TENM3: variants seen among roughly 807,000 people sequenced by gnomAD.
TENM3 encodes teneurin-3.
Under a neutral mutation model 255.1 loss-of-function variants are expected in TENM3, and 63 were observed. The ratio of observed to expected loss-of-function variants is 0.25; its 90% CI spans 0.20 to 0.30. TENM3 has a LOEUF of 0.30. TENM3 is among the 10% of genes least tolerant of loss of function. The pLI, the probability that TENM3 is intolerant of heterozygous loss-of-function variation, is 1.00. For synonymous variants in TENM3, 1,306 were observed against 1,322.3 expected (o/e 0.99, Z 0.27); for missense variants, 2,929 against 3,461.1 (o/e 0.85, Z 3.86).
the TENM3 span, among the ~76,000 whole-genome samples, chr4:181,895,553 T>C: frequency 1.4e-5 from 2 of 140,398 alleles, no homozygotes; most frequent in Non-Finnish European, 3.1e-5. Flanking sequence ...TTTTTTTTTT[T>C]TTTTTTTTTG....
chr4:181,482,945 C>A, the TENM3 span, among the ~76,000 whole-genome samples: 9 of 152,198 alleles, frequency 5.9e-5, no homozygotes, highest in East Asian at 1.9e-4. Flanking sequence ...GAACATTCCA[C>A]CTTTTGTGCC....
chr4:181,951,865 C>A, the TENM3 span, among the ~76,000 whole-genome samples: 2 of 152,106 alleles, frequency 1.3e-5, no homozygotes, highest in East Asian at 3.9e-4. Flanking sequence ...GAAATGTAAT[C>A]GAAAGCTGTA....
At chr4:182,782,956 C>A (rs913844484) in intron 24 of TENM3, among the ~76,000 whole-genome samples, 21 of 148,380 alleles carry the variant, frequency 1.4e-4, no homozygotes, top group African/African-American at 4.9e-4. Flanking sequence ...TGTCTCTGCA[C>A]GTGAGATGGA....
intron 1 of TENM3, among the ~76,000 whole-genome samples, chr4:182,248,586 G>A (rs1221513741): frequency 3.3e-5 from 5 of 152,184 alleles, no homozygotes; most frequent in Non-Finnish European, 7.3e-5. Context: ...ATAAGCTTGC[G>A]TATATGAAGC....
chr4:181,940,460 C>T, the TENM3 span, among the ~76,000 whole-genome samples: 14 of 152,042 alleles, frequency 9.2e-5, no homozygotes, highest in African/African-American at 3.4e-4. Context: ...AAGTTCCAGT[C>T]CGGTGCAGTA....
intron 1 of TENM3, among the ~76,000 whole-genome samples, chr4:182,237,718 C>G (rs1319355376): frequency 6.6e-6 from 1 of 152,166 alleles, no homozygotes; most frequent in Non-Finnish European, 1.5e-5. Context: ...TGAGGCCATA[C>G]CTGGCAATTA....
chr4:182,210,446 C>A (rs1444387402), intron 1 of TENM3, among the ~76,000 whole-genome samples: 1 of 151,890 alleles, frequency 6.6e-6, no homozygotes, highest in African/African-American at 2.4e-5. Context: ...TATCTCAGTC[C>A]TTCAAATATT....
Position 182,792,928 on chromosome 4 carries a change from C to T in TENM3, c.6256C>T (p.Arg2086Cys), listed in dbSNP as rs778320384. The T allele has an allele frequency of 1.4e-5, 23 of 1,613,530 alleles. No homozygotes were observed. Among genetic ancestry groups the T allele is most frequent in the African/African-American group, 9.4e-5 (7 of 74,866 alleles). ...TYTKHFDAHG[R>C]IKEIQYEIFR... ...TACGAAGCACTTTGATGCTCATGGCCGTATCAAGGAGATTCAATATGAGAT... is the reference window on the plus strand; with the variant it reads ...TACGAAGCACTTTGATGCTCATGGCTGTATCAAGGAGATTCAATATGAGAT... Residue 2086 changes from arginine (R) to cysteine (C), a missense_variant, in exon 26 of 28, where the codon CGT (arginine) becomes TGT (cysteine). Arg to Cys is a radical substitution (Grantham distance 180). Transcript: ENST00000511685. The surrounding 1 kb of genome is among the most constrained non-coding windows in gnomAD (Gnocchi z 6.3).
chr4:182,258,352 T>C (rs1389220960), intron 1 of TENM3, among the ~76,000 whole-genome samples: 1 of 152,202 alleles, frequency 6.6e-6, no homozygotes, highest in East Asian at 1.9e-4. Flanking sequence ...ATTAGACAAT[T>C]AATAACTTAT....
the TENM3 span, among the ~76,000 whole-genome samples, chr4:181,712,875 A>T: frequency 1.3e-5 from 2 of 152,196 alleles, no homozygotes; most frequent in Non-Finnish European, 2.9e-5. Context: ...TTGTTTAAAA[A>T]GAGGACTTCT....
chr4:181,637,481 G>A, the TENM3 span, among the ~76,000 whole-genome samples: 3,390 of 152,226 alleles, frequency 0.022, 63 homozygotes, highest in Admixed American at 0.059. Flanking sequence ...GGCAAAACTC[G>A]TCAAATGTTC....
At chr4:182,426,413 C>T (rs1771232205) in intron 3 of TENM3, among the ~76,000 whole-genome samples, 1 of 152,136 alleles carries the variant, frequency 6.6e-6, no homozygotes, top group Admixed American at 6.5e-5. Context: ...ATTAAGATAG[C>T]TTCTAAAGAC....
At chr4:182,030,700 C>G in the TENM3 span, among the ~76,000 whole-genome samples, 1 of 151,662 alleles carries the variant, frequency 6.6e-6, no homozygotes, top group Non-Finnish European at 1.5e-5. Flanking sequence ...TTCCCACTGA[C>G]AGTGTAAAAG....
chr4:182,280,928 G>A (rs901565613), intron 1 of TENM3, among the ~76,000 whole-genome samples: 1 of 152,230 alleles, frequency 6.6e-6, no homozygotes, highest in Non-Finnish European at 1.5e-5. Flanking sequence ...AGCAGAGTTT[G>A]TAAACCACTA....
chr4:182,255,103 G>A (rs1404935106), intron 1 of TENM3, among the ~76,000 whole-genome samples: 1 of 152,118 alleles, frequency 6.6e-6, no homozygotes, highest in Non-Finnish European at 1.5e-5. Flanking sequence ...AAATTTTCAG[G>A]AGTTGTATAT....
At chr4:182,256,259 T>A (rs1000240534) in intron 1 of TENM3, among the ~76,000 whole-genome samples, 1 of 152,346 alleles carries the variant, frequency 6.6e-6, no homozygotes, top group Admixed American at 6.5e-5. Context: ...AGATGAAATT[T>A]GAATCGATTA....
chr4:181,759,637 A>T, the TENM3 span, among the ~76,000 whole-genome samples: 1 of 152,102 alleles, frequency 6.6e-6, no homozygotes. Context: ...AAACCATTTG[A>T]TAAGTAAGGA....
chr4:182,699,637 C>G (rs1757691635), intron 12 of TENM3, among the ~76,000 whole-genome samples: 1 of 152,048 alleles, frequency 6.6e-6, no homozygotes. Flanking sequence ...CTTTCTGAAA[C>G]CGCATGCCTC....
chr4:182,745,041 C>G (rs1263346089), intron 19 of TENM3, among the ~76,000 whole-genome samples: 1 of 151,962 alleles, frequency 6.6e-6, no homozygotes. Flanking sequence ...ATTAAAATAT[C>G]TAATGAAATG....
Sources: gnomAD v4.1 joint callset for allele counts (sites outside exome capture counted in the v4.1 genomes callset) on GRCh38, gnomAD v4.1.1 for gene constraint, Gnocchi (gnomAD v3.1) non-coding constraint, MANE v1.5 for transcripts, NCBI Gene and HGNC (gene_info 2026-07-23, HGNC 2026-07-21) for gene names.